GALNTL6: variants seen among roughly 807,000 people sequenced by gnomAD.
GALNTL6 encodes the protein polypeptide N-acetylgalactosaminyltransferase-like 6.
GALNTL6 carries 46 observed loss-of-function variants against 73.7 expected under a neutral mutation model. That is an observed-to-expected ratio of 0.62 (90% CI 0.49 to 0.80). GALNTL6 has a LOEUF of 0.80. Ranked by LOEUF, GALNTL6 falls within the 30% of genes least tolerant of loss-of-function variation. The pLI, the probability that GALNTL6 is intolerant of heterozygous loss-of-function variation, is 0.00. For synonymous variants in GALNTL6, 259 were observed against 263.7 expected (o/e 0.98, Z 0.17); for missense variants, 604 against 755.0 (o/e 0.80, Z 2.34).
At chr4:172,285,013 G>T (rs1345317387) in intron 3 of GALNTL6, among the ~76,000 whole-genome samples, 1 of 152,132 alleles carries the variant, frequency 6.6e-6, no homozygotes, top group Non-Finnish European at 1.5e-5. Context: ...GATTGCAGTA[G>T]ATCTGAAATT....
In GALNTL6 at chr4:172,473,205, C is replaced by G. The variant is rs113464724; in HGVS notation, c.553+124516C>G. ...ACTATCCCAGGCCATCTTGCCTACT[C>G]AAGACTCCAATATTTCTCCCCTTCT... On this transcript the variant is annotated intron_variant, in intron 5 of 12. Coordinates refer to ENST00000506823, the MANE Select transcript of GALNTL6 (RefSeq NM_001034845.3). Among the ~76,000 whole-genome samples, 1,276 of 152,258 alleles carry G rather than the reference C, an allele frequency of 8.4e-3. 11 individuals carry two copies. The highest frequency in any genetic ancestry group is 0.029 in the African/African-American group (1,207 of 41,544).
intron 5 of GALNTL6, among the ~76,000 whole-genome samples, chr4:172,566,862 A>G (rs960600928): frequency 6.6e-6 from 1 of 152,122 alleles, no homozygotes; most frequent in African/African-American, 2.4e-5. Flanking sequence ...AACAAAAGGA[A>G]TCATAAGAGA....
chr4:172,548,436 T>C (rs1735849235), intron 5 of GALNTL6, among the ~76,000 whole-genome samples: 2 of 152,162 alleles, frequency 1.3e-5, no homozygotes, highest in Admixed American at 6.6e-5. Flanking sequence ...ATGATTCTCA[T>C]AGGAATGCAC....
intron 5 of GALNTL6, among the ~76,000 whole-genome samples, chr4:172,525,501 G>A (rs1166281916): frequency 6.6e-6 from 1 of 151,970 alleles, no homozygotes; most frequent in African/African-American, 2.4e-5. Context: ...ATTTGTCTGT[G>A]AAATACAAAC....
At chr4:172,957,815 G>A (rs1356745890) in intron 10 of GALNTL6, among the ~76,000 whole-genome samples, 1 of 152,124 alleles carries the variant, frequency 6.6e-6, no homozygotes, top group Non-Finnish European at 1.5e-5. Context: ...TAGTGGAGGG[G>A]GGCAGAGCAG....
At chr4:172,147,057 T>C (rs1258688363) in intron 2 of GALNTL6, among the ~76,000 whole-genome samples, 2 of 152,232 alleles carry the variant, frequency 1.3e-5, no homozygotes, top group African/African-American at 2.4e-5. Context: ...TGTTTTCATA[T>C]TGTCACTTGC....
intron 3 of GALNTL6, among the ~76,000 whole-genome samples, chr4:172,266,886 C>G (rs1738470349): frequency 6.6e-6 from 1 of 151,930 alleles, no homozygotes; most frequent in South Asian, 2.1e-4. Flanking sequence ...TCAGCAATCC[C>G]CAAATTATAA....
In GALNTL6 at chr4:172,580,923, G is replaced by A. The variant is rs375032005; in HGVS notation, c.554-228438G>A. ...GATTAAGGCATGTGCCACCACACCC[G>A]GCTAATTTTTGTATTTTTAGTAAAG... On this transcript the variant is annotated intron_variant, in intron 5 of 12. Transcript: ENST00000506823. 7.2e-5 allele frequency among the ~76,000 whole-genome samples: 11 copies of A among 152,116 alleles called. No individual in the cohort carries two copies. The East Asian group carries it at 1.2e-3, about 16-fold the overall frequency.
At chr4:171,859,438 C>A (rs1735773838) in intron 2 of GALNTL6, among the ~76,000 whole-genome samples, 1 of 151,992 alleles carries the variant, frequency 6.6e-6, no homozygotes, top group Non-Finnish European at 1.5e-5. Flanking sequence ...CCCCTTGAGT[C>A]CCTTCAGGAA....
chr4:172,991,387 GTTTTTGTTTT>G (rs971714561), intron 10 of GALNTL6, among the ~76,000 whole-genome samples: 1 of 151,478 alleles, frequency 6.6e-6, no homozygotes. Flanking sequence ...GTTAAACCCA[GTTTTTGTTTT>G]TTTTTGTTTT....
intron 5 of GALNTL6, among the ~76,000 whole-genome samples, chr4:172,594,333 A>C (rs1000183244): frequency 1.3e-5 from 2 of 152,180 alleles, no homozygotes; most frequent in East Asian, 3.9e-4. Flanking sequence ...TGACAGAGCG[A>C]AACTCTGTCT....
chr4:172,349,250 A>T (rs1158107268), intron 5 of GALNTL6, among the ~76,000 whole-genome samples: 8 of 152,110 alleles, frequency 5.3e-5, no homozygotes, highest in African/African-American at 9.6e-5. Flanking sequence ...AAGTTTTAAT[A>T]CTTTTATAAT....
intron 2 of GALNTL6, among the ~76,000 whole-genome samples, chr4:171,843,614 C>G (rs1034843549): frequency 6.6e-6 from 1 of 151,956 alleles, no homozygotes; most frequent in Non-Finnish European, 1.5e-5. Context: ...TGGTATTAAG[C>G]CAGGCAGTGA....
chr4:172,073,386 T>C (rs538206520), intron 2 of GALNTL6, among the ~76,000 whole-genome samples: 1 of 152,260 alleles, frequency 6.6e-6, no homozygotes, highest in South Asian at 2.1e-4. Context: ...TGAATAAATG[T>C]TTGCTGATTG....
chr4:172,698,617 G>A (rs1184959884), intron 5 of GALNTL6, among the ~76,000 whole-genome samples: 3 of 152,130 alleles, frequency 2.0e-5, no homozygotes, highest in East Asian at 1.9e-4. Flanking sequence ...GATTCTTAAC[G>A]ATGATTCAGA....
At chr4:172,888,757 A>G (rs1579613972) in intron 8 of GALNTL6, among the ~76,000 whole-genome samples, 1 of 152,184 alleles carries the variant, frequency 6.6e-6, no homozygotes, top group Non-Finnish European at 1.5e-5. Flanking sequence ...TGTTGCTTCC[A>G]TATGAATTTG....
At chr4:172,741,324 G>A (rs1483516415) in intron 5 of GALNTL6, among the ~76,000 whole-genome samples, 2 of 152,062 alleles carry the variant, frequency 1.3e-5, no homozygotes, top group Non-Finnish European at 2.9e-5. Context: ...ATTGCTGTTG[G>A]GGCATTGTCA....
intron 5 of GALNTL6, among the ~76,000 whole-genome samples, chr4:172,729,044 T>C (rs970788841): frequency 2.6e-5 from 4 of 152,194 alleles, no homozygotes; most frequent in African/African-American, 9.6e-5. Context: ...ATTGAGATCC[T>C]TTGCCTATTT....
intron 5 of GALNTL6, among the ~76,000 whole-genome samples, chr4:172,423,924 T>C (rs1490155401): frequency 3.3e-5 from 5 of 152,112 alleles, no homozygotes; most frequent in Non-Finnish European, 5.9e-5. Context: ...TATCCGTATC[T>C]TGATATAGAG....
Sources: allele counts gnomAD v4.1 joint callset (sites outside exome capture counted in the v4.1 genomes callset), GRCh38; gene constraint gnomAD v4.1.1; transcripts MANE v1.5; gene names NCBI Gene and HGNC (gene_info 2026-07-23, HGNC 2026-07-21).